Variants in CHD9 observed in about 807,000 individuals in gnomAD.
CHD9 encodes the protein chromodomain helicase DNA binding protein 9.
In CHD9, 77 loss-of-function variants were observed where a neutral mutation model predicts 316.1. The observed-to-expected ratio is 0.24, with a 90% CI of 0.20 to 0.29. The LOEUF (loss-of-function observed/expected upper bound fraction) is 0.29. Ranked by LOEUF, CHD9 falls within the 10% of genes least tolerant of loss-of-function variation. The pLI, the probability that CHD9 is intolerant of heterozygous loss-of-function variation, is 1.00. For synonymous variants in CHD9, 1,129 were observed against 1,158.3 expected, an observed-to-expected ratio of 0.97 and a Z score of 0.51; for missense variants, 2,763 against 3,438.1, an observed-to-expected ratio of 0.80 and a Z score of 4.91.
intron 12 of CHD9, among the ~76,000 whole-genome samples, chr16:53,242,611 T>C (rs143675418): frequency 6.1e-4 from 93 of 152,314 alleles, no homozygotes; most frequent in African/African-American, 2.0e-3. Flanking sequence ...CTTATTAGGA[T>C]ACAATTATGA....
At position 53,304,016 on chromosome 16, in the gene CHD9, A is replaced by C; in HGVS notation, c.6010A>C (p.Ser2004Arg). 1 of 1,614,052 alleles carries C rather than the reference A, an allele frequency of 6.2e-7. No individual in the cohort carries two copies. The highest frequency in any genetic ancestry group is 8.5e-7 in the Non-Finnish European group (1 of 1,179,892). ...GGCAGCTCAGAGGAACTACAGTCAA[A>C]GTAAGATGGCTCATTCAAGGACTTC... is the stretch of plus-strand genomic sequence containing the variant. ...FMAAQRNYSQ[S>R]KMAHSRTSTP... is the part of the protein sequence containing the mutation. Residue 2004 changes from serine to arginine, a missense_variant, in exon 31 of 39, where the codon AGT (serine) becomes CGT (arginine). Physicochemically the swap from Ser to Arg is moderately radical, Grantham distance 110. Coordinates refer to ENST00000447540, the MANE Select transcript of CHD9 (RefSeq NM_001308319.2).
chr16:53,237,795 A>G (rs1268670704), intron 11 of CHD9, among the ~76,000 whole-genome samples: 1 of 151,574 alleles, frequency 6.6e-6, no homozygotes, highest in Non-Finnish European at 1.5e-5. Flanking sequence ...ATCCTATTCC[A>G]TACTCATTGA....
intron 30 of CHD9, among the ~76,000 whole-genome samples, chr16:53,300,568 G>A (rs1191262475): frequency 1.3e-5 from 2 of 152,154 alleles, no homozygotes; most frequent in Non-Finnish European, 2.9e-5. Flanking sequence ...TATGATGTCA[G>A]CTTGATTAAT....
intron 3 of CHD9, 36 bp downstream of exon 3, chr16:53,209,849 A>G (rs1228081856): frequency 2.2e-6 from 3 of 1,379,814 alleles, no homozygotes; most frequent in Admixed American, 2.4e-5. Flanking sequence ...ATTCCTTTCA[A>G]TGTTCTGTTA....
intron 1 of CHD9, among the ~76,000 whole-genome samples, chr16:53,069,294 G>T (rs539117861): frequency 1.3e-5 from 2 of 152,110 alleles, no homozygotes; most frequent in Admixed American, 6.6e-5. Context: ...ATGAGCCACC[G>T]CGCCCAGCCT....
At chr16:53,217,696 A>G (rs1049647906) in intron 3 of CHD9, among the ~76,000 whole-genome samples, 1 of 152,200 alleles carries the variant, frequency 6.6e-6, no homozygotes, top group African/African-American at 2.4e-5. Flanking sequence ...TAAGGTTTAC[A>G]GTTTTCAAGG....
rs184222749 is a variant in CHD9, at chr16:53,171,855, C to G, written c.1452+14314C>G. ...CCACACACACACACACACACACACA[C>G]ACACAGACACACACACACACACACA... On this transcript the variant is annotated intron_variant, in intron 2 of 38. Coordinates refer to ENST00000447540, the MANE Select transcript of CHD9 (RefSeq NM_001308319.2). Among the ~76,000 whole-genome samples, 237 of 51,726 alleles carry G rather than the reference C, an allele frequency of 4.6e-3. 2 individuals carry two copies. Among genetic ancestry groups the G allele is most frequent in the East Asian group, 0.014 (35 of 2,498 alleles). The allele number at this position is 51,726 out of a possible 152,430, so 33.9% of individuals were successfully genotyped here.
intron 1 of CHD9, among the ~76,000 whole-genome samples, chr16:53,106,939 A>T (rs528916729): frequency 1.5e-4 from 23 of 152,350 alleles, no homozygotes; most frequent in African/African-American, 5.3e-4. Flanking sequence ...AATCATTTTT[A>T]AAAAATGAGA....
At position 53,326,026 on chromosome 16, in the gene CHD9, T is replaced by G. The variant is rs1211672542; in HGVS notation, c.*1131T>G. 6.6e-6 allele frequency: 1 copy of G among 152,518 alleles called. No homozygotes were observed. Among genetic ancestry groups the G allele is most frequent in the East Asian group, 1.9e-4 (1 of 5,200 alleles). The allele number at this position is 152,518 out of a possible 1,614,324, so 9.4% of individuals were successfully genotyped here. A position where few individuals can be genotyped will look rare whatever the true frequency, so the allele number is the denominator to read the frequency against. On this transcript the variant is annotated 3_prime_UTR_variant, in exon 39 of 39. Coordinates refer to ENST00000447540, the MANE Select transcript of CHD9 (RefSeq NM_001308319.2). ...TATATTAAATATACTGAGTTGCCCG[T>G]TTTGAAAATGCACTTTGAATAATCT...
chr16:53,162,520 A>G (rs376771347), intron 2 of CHD9, among the ~76,000 whole-genome samples: 5 of 152,276 alleles, frequency 3.3e-5, no homozygotes, highest in African/African-American at 1.2e-4. Context: ...TGATCTCTCA[A>G]TGTTTGTAAA....
chr16:53,138,164 A>G (rs1261668955), intron 1 of CHD9, among the ~76,000 whole-genome samples: 2 of 152,236 alleles, frequency 1.3e-5, no homozygotes, highest in African/African-American at 4.8e-5. Context: ...TTACTTTCTT[A>G]GTATACCTTA....
At chr16:53,297,792 TC>T (rs1368921639) in intron 30 of CHD9, among the ~76,000 whole-genome samples, 1 of 152,234 alleles carries the variant, frequency 6.6e-6, no homozygotes, top group African/African-American at 2.4e-5. Context: ...GGCCTGCTAT[TC>T]CTGTTTTATA....
intron 1 of CHD9, among the ~76,000 whole-genome samples, chr16:53,125,043 C>T (rs569840115): frequency 1.3e-5 from 2 of 152,108 alleles, no homozygotes; most frequent in Non-Finnish European, 2.9e-5. Context: ...TTTTCATGTG[C>T]ATATTGGCTA....
chr16:53,254,413 A>C lies in CHD9; in HGVS notation c.3862-25A>C. 2.7e-6 allele frequency: 4 copies of C among 1,506,382 alleles called. 1 individual carries two copies. Among genetic ancestry groups the C allele is most frequent in the South Asian group, 2.9e-5 (2 of 69,814 alleles). 93.3% of individuals were successfully genotyped at this position (1,506,382 alleles called of 1,614,324 possible). On this transcript the variant is annotated intron_variant, in intron 17 of 38. Coordinates refer to ENST00000447540, the MANE Select transcript of CHD9 (RefSeq NM_001308319.2). Reference sequence around the variant, plus strand: ...TAAATGCCTTTTGAGAAACTAATTAAATATGTAACTTTTCATTTTTATAGG... The same window carrying C: ...TAAATGCCTTTTGAGAAACTAATTACATATGTAACTTTTCATTTTTATAGG...
intron 1 of CHD9, among the ~76,000 whole-genome samples, chr16:53,063,848 T>A (rs953907875): frequency 2.7e-5 from 4 of 150,012 alleles, no homozygotes; most frequent in African/African-American, 7.4e-5. Context: ...TTTTTTTTTT[T>A]AAGAAAGACA....
intron 12 of CHD9, among the ~76,000 whole-genome samples, chr16:53,241,421 T>G (rs1448233194): frequency 6.6e-6 from 1 of 152,238 alleles, no homozygotes; most frequent in African/African-American, 2.4e-5. Flanking sequence ...CACATAACTT[T>G]GAATACCATC....
At chr16:53,179,033 A>C (rs2043291071) in intron 2 of CHD9, among the ~76,000 whole-genome samples, 1 of 152,184 alleles carries the variant, frequency 6.6e-6, no homozygotes, top group South Asian at 2.1e-4. Context: ...TAAAAAAAAA[A>C]TTAAAAACGA....
In CHD9 at chr16:53,325,032, C is replaced by A; in HGVS notation, c.*137C>A. The stretch of plus-strand genomic sequence containing the variant: ...GTTATTTGTTTAGAAGTGCAAACTG[C>A]TTTCAGAGACTTTTTGCATGTAATA... On this transcript the variant is annotated 3_prime_UTR_variant, in exon 39 of 39. Transcript: ENST00000447540. The A allele has an allele frequency of 1.5e-6, 1 of 655,884 alleles. No individual in the cohort carries two copies. Among genetic ancestry groups the A allele is most frequent in the Non-Finnish European group, 2.5e-6 (1 of 403,396 alleles). 40.6% of individuals were successfully genotyped at this position (655,884 alleles called of 1,614,324 possible). A position where few individuals can be genotyped will look rare whatever the true frequency, so the allele number is the denominator to read the frequency against.
At chr16:53,150,790 A>G (rs1419900906) in intron 1 of CHD9, among the ~76,000 whole-genome samples, 1 of 152,178 alleles carries the variant, frequency 6.6e-6, no homozygotes, top group African/African-American at 2.4e-5. Context: ...CATTTCAAAT[A>G]TTTCATGTCA....
Sources: gnomAD v4.1 joint callset for allele counts (sites outside exome capture counted in the v4.1 genomes callset) on GRCh38, gnomAD v4.1.1 for gene constraint, MANE v1.5 for transcripts, NCBI Gene and HGNC (gene_info 2026-07-23, HGNC 2026-07-21) for gene names.